The following PTGIS variants were observed in gnomAD, a reference collection of about 807,000 sequenced individuals.
PTGIS encodes prostacyclin synthase.
A neutral mutation model predicts 50.3 loss-of-function variants in PTGIS; 45 were observed. The ratio of observed to expected loss-of-function variants is 0.90; its 90% CI spans 0.70 to 1.15. The LOEUF (loss-of-function observed/expected upper bound fraction) is 1.15, where lower values mean the gene tolerates loss of function less well. PTGIS is among the 50% of genes most tolerant of loss of function. PTGIS has a pLI of 0.00. For synonymous variants in PTGIS, 260 were observed against 267.7 expected (o/e 0.97, Z 0.28); for missense variants, 668 against 661.3 (o/e 1.01, Z -0.11).
At chr20:49,516,699 G>A (rs982477548) in intron 6 of PTGIS, among the ~76,000 whole-genome samples, 3 of 152,170 alleles carry the variant, frequency 2.0e-5, no homozygotes, top group African/African-American at 7.2e-5. Flanking sequence ...AGGCCAGGAG[G>A]AACCACACTC....
At chr20:49,538,256 G>GGA (rs1982131323) in intron 5 of PTGIS, among the ~76,000 whole-genome samples, 1 of 30,268 alleles carries the variant, frequency 3.3e-5, no homozygotes, top group East Asian at 1.2e-3. Flanking sequence ...CCCTGGTTCA[G>GGA]AAAAAAAAAA....
At chr20:49,521,542 C>A (rs531274315) in intron 6 of PTGIS, among the ~76,000 whole-genome samples, 22 of 152,270 alleles carry the variant, frequency 1.4e-4, no homozygotes, top group African/African-American at 5.3e-4. Context: ...CCAGTCATTC[C>A]CACGAGAGTT....
chr20:49,549,198 G>T (rs142589619), intron 2 of PTGIS, among the ~76,000 whole-genome samples: 2 of 152,238 alleles, frequency 1.3e-5, no homozygotes, highest in African/African-American at 4.8e-5. Flanking sequence ...ATGGAGGATT[G>T]GTTCCAGGAC....
chr20:49,545,431 AAAG>A (rs1000813457), intron 3 of PTGIS, among the ~76,000 whole-genome samples: 1 of 150,242 alleles, frequency 6.7e-6, no homozygotes, highest in Non-Finnish European at 1.5e-5. Flanking sequence ...TAAAAAAAGA[AAAG>A]AAAAAAAAAA....
intron 5 of PTGIS, among the ~76,000 whole-genome samples, chr20:49,528,722 C>T (rs1468521583): frequency 2.0e-5 from 3 of 152,182 alleles, no homozygotes; most frequent in Non-Finnish European, 4.4e-5. Flanking sequence ...CACACTAAAC[C>T]TTACCCAAGA....
chr20:49,567,504 C>A (rs368720017), intron 1 of PTGIS, among the ~76,000 whole-genome samples: 2 of 152,136 alleles, frequency 1.3e-5, no homozygotes, highest in African/African-American at 4.8e-5. Flanking sequence ...ATCAAGACAT[C>A]CCCCAGGGGC....
chr20:49,542,583 C>A (rs1275744144), intron 4 of PTGIS, among the ~76,000 whole-genome samples: 3 of 152,204 alleles, frequency 2.0e-5, no homozygotes, highest in African/African-American at 7.2e-5. Flanking sequence ...GCACAGGGAC[C>A]CAGGAGCCAG....
chr20:49,537,992 G>A (rs117675314), intron 5 of PTGIS, among the ~76,000 whole-genome samples: 2,288 of 152,176 alleles, frequency 0.015, 27 homozygotes, highest in Non-Finnish European at 0.021. Flanking sequence ...AGTGGCTCAC[G>A]TCTGTAATCC....
chr20:49,556,158 C>T (rs28809186), intron 1 of PTGIS, among the ~76,000 whole-genome samples: 4,429 of 152,224 alleles, frequency 0.029, 189 homozygotes, highest in African/African-American at 0.094. Flanking sequence ...GAATTTCTTT[C>T]TCTTTACCTA....
In PTGIS at chr20:49,507,355, T is replaced by C. The variant is rs1981180821; in HGVS notation, c.*565A>G. The C allele has an allele frequency of 5.1e-6, 1 of 197,412 alleles. No individual in the cohort carries two copies. The highest frequency in any genetic ancestry group is 1.0e-4 in the South Asian group (1 of 9,938). 12.2% of individuals were successfully genotyped at this position (197,412 alleles called of 1,614,324 possible). On this transcript the variant is annotated 3_prime_UTR_variant, in exon 10 of 10. Transcript: ENST00000244043. ...AGCTCTCCTGCATTTTCTCAAGTAGTGTGAGCAATGGGGCAATCTGGCAAA... is the reference window on the plus strand; with the variant it reads ...AGCTCTCCTGCATTTTCTCAAGTAGCGTGAGCAATGGGGCAATCTGGCAAA...
intron 2 of PTGIS, among the ~76,000 whole-genome samples, chr20:49,548,922 C>A (rs897293465): frequency 6.6e-6 from 1 of 151,924 alleles, no homozygotes; most frequent in African/African-American, 2.4e-5. Context: ...TGAGAGAATG[C>A]TAGGTAGATA....
rs1033136149 is a variant in PTGIS, at chr20:49,507,088, CACT to C, written c.*829_*831del. On this transcript the variant is annotated 3_prime_UTR_variant, in exon 10 of 10. Transcript: ENST00000244043. ...ATCGTGATCACAGTTGGGGCTTCTG[CACT>C]AGAATGCATGAAATCGGCACCTTCT... is the stretch of plus-strand genomic sequence containing the variant. 7.9e-5 allele frequency: 12 copies of C among 152,528 alleles called. No individual in the cohort carries two copies. The highest frequency in any genetic ancestry group is 6.5e-4 in the Admixed American group (10 of 15,310). The allele number at this position is 152,528 out of a possible 1,614,324, so 9.4% of individuals were successfully genotyped here.
At chr20:49,529,757 A>C (rs1981886381) in intron 5 of PTGIS, among the ~76,000 whole-genome samples, 1 of 152,186 alleles carries the variant, frequency 6.6e-6, no homozygotes, top group South Asian at 2.1e-4. Flanking sequence ...GTATGGTAGT[A>C]CTTGTGTTCA....
chr20:49,564,860 G>A (rs928671045), intron 1 of PTGIS, among the ~76,000 whole-genome samples: 8 of 152,062 alleles, frequency 5.3e-5, no homozygotes, highest in Non-Finnish European at 4.4e-5. Context: ...CTCAAGGCTT[G>A]GTCAGGATAA....
At chr20:49,514,157 T>C in intron 7 of PTGIS, 70 bp downstream of exon 7, 2 of 1,574,696 alleles carry the variant, frequency 1.3e-6, no homozygotes, top group Non-Finnish European at 1.7e-6. Flanking sequence ...GGAGTCCATG[T>C]TGGGGAGGGC....
intron 3 of PTGIS, among the ~76,000 whole-genome samples, chr20:49,545,313 G>A (rs547335296): frequency 6.6e-6 from 1 of 152,204 alleles, no homozygotes; most frequent in East Asian, 1.9e-4. Context: ...CAGCTACTCA[G>A]GAGGCTGAGG....
At chr20:49,562,946 A>C (rs1205737340) in intron 1 of PTGIS, among the ~76,000 whole-genome samples, 9 of 152,190 alleles carry the variant, frequency 5.9e-5, no homozygotes, top group Non-Finnish European at 1.2e-4. Context: ...GCTGGTCTGA[A>C]TGAATCATGT....
rs1174343566 is a variant in PTGIS at position 49,504,300 on chromosome 20, C to A, written c.*3620G>T. On this transcript the variant is annotated 3_prime_UTR_variant, in exon 10 of 10. Transcript: ENST00000244043. ...GCCACACCAGCATGGAGCCCCCTTCCCCAGCGAATTTATTTTTCATGGTCA... is the reference window on the plus strand; with the variant it reads ...GCCACACCAGCATGGAGCCCCCTTCACCAGCGAATTTATTTTTCATGGTCA... The A allele has an allele frequency of 2.0e-5, 3 of 152,246 alleles. No individual in the cohort carries two copies. Among genetic ancestry groups the A allele is most frequent in the Non-Finnish European group, 4.4e-5 (3 of 68,068 alleles). The allele number at this position is 152,246 out of a possible 1,614,324, so 9.4% of individuals were successfully genotyped here.
rs567827335 is a variant in PTGIS, at chr20:49,515,965, C to T, written c.856-1570G>A. 7.2e-5 allele frequency among the ~76,000 whole-genome samples: 11 copies of T among 151,966 alleles called. No homozygotes were observed. In the South Asian group the frequency reaches 1.2e-3, roughly 17 times the overall value. On this transcript the variant is annotated intron_variant, in intron 6 of 9. Coordinates refer to ENST00000244043, the MANE Select transcript of PTGIS (RefSeq NM_000961.4). ...GCACAATCATAGCTCACTGCAGCCT[C>T]GACCTCCTAGGCTCAAGTGATCCTT...
Sources: allele counts gnomAD v4.1 joint callset (sites outside exome capture counted in the v4.1 genomes callset), GRCh38; gene constraint gnomAD v4.1.1; transcripts MANE v1.5; gene names NCBI Gene and HGNC (gene_info 2026-07-23, HGNC 2026-07-21).